ME3: variants seen among roughly 807,000 people sequenced by gnomAD.
ME3 encodes the protein NADP-dependent malic enzyme, mitochondrial.
Under a neutral mutation model 68.9 loss-of-function variants are expected in ME3, and 48 were observed. That is an observed-to-expected ratio of 0.70 (90% CI 0.55 to 0.89). The LOEUF is 0.89. ME3 is among the 40% of genes least tolerant of loss of function. The pLI is 0.00. For synonymous variants in ME3, 320 were observed against 318.8 expected, an observed-to-expected ratio of 1.00 and a Z score of -0.04; for missense variants, 675 against 797.4, an observed-to-expected ratio of 0.85 and a Z score of 1.85.
chr11:86,458,672 G>C (rs1950070931), intron 8 of ME3, among the ~76,000 whole-genome samples: 1 of 152,118 alleles, frequency 6.6e-6, no homozygotes, highest in African/African-American at 2.4e-5. Context: ...AAGAGACCAG[G>C]GGAAGTTTCA....
intron 2 of ME3, among the ~76,000 whole-genome samples, chr11:86,620,596 T>G (rs934737322): frequency 2.6e-5 from 4 of 152,196 alleles, no homozygotes; most frequent in Non-Finnish European, 5.9e-5. Flanking sequence ...TGCTATATGG[T>G]CACAGAGAAA....
chr11:86,661,801 C>G (rs946435668), intron 2 of ME3, among the ~76,000 whole-genome samples: 13 of 152,162 alleles, frequency 8.5e-5, no homozygotes, highest in South Asian at 4.2e-4. Context: ...CACTTGCACC[C>G]CTCTTACGCT....
In ME3 at chr11:86,463,968, G is replaced by C. The variant is rs75330512; in HGVS notation, c.919+1123C>G. The stretch of plus-strand genomic sequence containing the variant: ...AGACAGAGATGCTAATGTCTCATCG[G>C]TTTAAAACTGTAGAGTGCTTAGAAC... On this transcript the variant is annotated intron_variant, in intron 8 of 14. Transcript: ENST00000543262. The C allele has an allele frequency of 2.3e-3, 583 of 249,864 alleles. 11 individuals are homozygous for C. The East Asian group carries it at 0.046, about 20-fold the overall frequency. 15.5% of individuals were successfully genotyped at this position (249,864 alleles called of 1,614,324 possible). A position where few individuals can be genotyped will look rare whatever the true frequency, so the allele number is the denominator to read the frequency against.
At chr11:86,543,317 A>C (rs888735795) in intron 4 of ME3, among the ~76,000 whole-genome samples, 2 of 152,244 alleles carry the variant, frequency 1.3e-5, no homozygotes, top group African/African-American at 4.8e-5. Context: ...TTAATCTTCA[A>C]TGTAAATGGG....
At chr11:86,504,669 C>T (rs990706000) in intron 5 of ME3, among the ~76,000 whole-genome samples, 10 of 151,774 alleles carry the variant, frequency 6.6e-5, no homozygotes, top group African/African-American at 1.9e-4. Flanking sequence ...GCTGGGATTA[C>T]AGACTTGAGC....
rs188455077 is a variant in ME3 at position 86,490,662 on chromosome 11, C to T, written c.706-3222G>A. Among the ~76,000 whole-genome samples, 3 of 152,290 alleles carry T rather than the reference C, an allele frequency of 2.0e-5. No homozygotes were observed. In the East Asian group the frequency reaches 5.8e-4, roughly 29 times the overall value. On this transcript the variant is annotated intron_variant, in intron 6 of 14. Coordinates refer to ENST00000543262, the Ensembl canonical transcript of ME3. ...ATCATAATTATAACTCTCTGAAGCA[C>T]ATACATACAGAGCTTGGAAGGACAT...
chr11:86,495,913 G>C (rs946116013), intron 6 of ME3, among the ~76,000 whole-genome samples: 1 of 152,142 alleles, frequency 6.6e-6, no homozygotes, highest in East Asian at 1.9e-4. Context: ...TCCCTGGCTT[G>C]TCATGGTACT....
intron 4 of ME3, among the ~76,000 whole-genome samples, chr11:86,534,075 GTGTGTGTATATA>G (rs1179096383): frequency 6.8e-4 from 26 of 38,276 alleles, no homozygotes; most frequent in African/African-American, 8.8e-4. Context: ...AGGTGTGTGT[GTGTGTGTATATA>G]TATATATATA....
intron 2 of ME3, among the ~76,000 whole-genome samples, chr11:86,599,535 T>C (rs1028674730): frequency 1.3e-4 from 20 of 152,214 alleles, no homozygotes; most frequent in African/African-American, 4.8e-4. Flanking sequence ...CTGCAGGTTA[T>C]TATCCAGGAC....
At position 86,508,886 on chromosome 11, in the gene ME3, G is replaced by T; in HGVS notation, c.468-19C>A. 3.1e-6 allele frequency: 5 copies of T among 1,592,832 alleles called. No individual in the cohort carries two copies. The highest frequency in any genetic ancestry group is 4.3e-6 in the Non-Finnish European group (5 of 1,161,318). ...CAGTCCACTAAAAGAAATAAAACAC[G>T]TACACACAGAGAAACCAGGCAGTCA... On this transcript the variant is annotated intron_variant, in intron 4 of 14. Coordinates refer to ENST00000543262, the Ensembl canonical transcript of ME3.
chr11:86,586,379 C>G (rs151182867), intron 2 of ME3, among the ~76,000 whole-genome samples: 92 of 152,276 alleles, frequency 6.0e-4, no homozygotes, highest in Middle Eastern at 3.4e-3. Flanking sequence ...GACCCGGCAG[C>G]ATCTCTGGTT....
intron 4 of ME3, among the ~76,000 whole-genome samples, chr11:86,553,945 C>T (rs1956812320): frequency 6.6e-6 from 1 of 152,210 alleles, no homozygotes; most frequent in African/African-American, 2.4e-5. Flanking sequence ...TGGGCCCTGG[C>T]TTTGCTGGTT....
chr11:86,662,137 C>A lies in ME3; in HGVS notation c.183+9625G>T, dbSNP rs943070313. ...TACACTAGTTATTTCTCTGGAAAGG[C>A]CACAGCACATCAGACTTCATGCACT... On this transcript the variant is annotated intron_variant, in intron 2 of 14. Transcript: ENST00000543262. Among the ~76,000 whole-genome samples, 8 of 152,260 alleles carry A rather than the reference C, an allele frequency of 5.3e-5. No individual in the cohort carries two copies. The South Asian group carries it at 1.7e-3, about 32-fold the overall frequency.
At chr11:86,598,124 G>A (rs530225651) in intron 2 of ME3, among the ~76,000 whole-genome samples, 21 of 152,150 alleles carry the variant, frequency 1.4e-4, no homozygotes, top group Admixed American at 2.0e-4. Flanking sequence ...TGCACCATGC[G>A]CCAGCCGAAG....
At chr11:86,503,968 G>A (rs1473039061) in intron 5 of ME3, among the ~76,000 whole-genome samples, 1 of 152,184 alleles carries the variant, frequency 6.6e-6, no homozygotes, top group Non-Finnish European at 1.5e-5. Flanking sequence ...GATTTACGCT[G>A]GACAGCTCAA....
chr11:86,573,926 G>A (rs7127944), intron 2 of ME3, among the ~76,000 whole-genome samples: 74,356 of 151,990 alleles, frequency 0.49, 19,072 homozygotes, highest in Admixed American at 0.59. Flanking sequence ...TATGTGATAT[G>A]TTGCGTTTAT....
chr11:86,635,633 G>T (rs1169124957), intron 2 of ME3, among the ~76,000 whole-genome samples: 1 of 152,206 alleles, frequency 6.6e-6, no homozygotes, highest in African/African-American at 2.4e-5. Context: ...CTAAAAAAAG[G>T]ATGAGTTCTA....
chr11:86,521,620 C>T (rs187816820), intron 4 of ME3, among the ~76,000 whole-genome samples: 17 of 152,204 alleles, frequency 1.1e-4, no homozygotes, highest in African/African-American at 3.9e-4. Flanking sequence ...CTCCAAGAGA[C>T]ACAGAATTTC....
In ME3 at chr11:86,462,456, G is replaced by A. The variant is rs997721705; in HGVS notation, c.919+2635C>T. ...GTTATGCAGATTTTTGACTGTGTGG[G>A]GCATTGGCACCTGTAACCACCACCT... On this transcript the variant is annotated intron_variant, in intron 8 of 14. Transcript: ENST00000543262. The A allele has an allele frequency of 1.8e-5, 11 of 623,102 alleles. No individual in the cohort carries two copies. The African/African-American group carries it at 2.2e-4, about 12-fold the overall frequency. 38.6% of individuals were successfully genotyped at this position (623,102 alleles called of 1,614,324 possible).
Sources: allele counts gnomAD v4.1 joint callset (sites outside exome capture counted in the v4.1 genomes callset), GRCh38; gene constraint gnomAD v4.1.1; transcripts MANE v1.5; gene names NCBI Gene and HGNC (gene_info 2026-07-23, HGNC 2026-07-21).